The following SIRT5 variants were observed in gnomAD, a reference collection of about 807,000 sequenced individuals.
SIRT5 encodes sirtuin 5.
SIRT5 carries 26 observed loss-of-function variants against 40.0 expected under a neutral mutation model. The ratio of observed to expected loss-of-function variants is 0.65; its 90% CI spans 0.48 to 0.90. The LOEUF (loss-of-function observed/expected upper bound fraction) is 0.90. Among genes scored for constraint, SIRT5 ranks in the 40% least tolerant of loss-of-function variants. The pLI is 0.00. For synonymous variants in SIRT5, 146 were observed against 149.1 expected (o/e 0.98, Z 0.15); for missense variants, 401 against 402.4 (o/e 1.00, Z 0.03).
In SIRT5 at chr6:13,591,825, G is replaced by A. The variant is rs138633880; in HGVS notation, c.406G>A (p.Val136Met). 3.3e-4 allele frequency: 525 copies of A among 1,614,154 alleles called. No individual in the cohort carries two copies. Among genetic ancestry groups the A allele is most frequent in the Non-Finnish European group, 4.1e-4 (488 of 1,179,990 alleles). Residue 136 changes from valine to methionine, a missense_variant, in exon 5 of 10, where the codon GTG (valine) becomes ATG (methionine). By Grantham distance (21) the Val-to-Met change is conservative. Coordinates refer to ENST00000606117, the MANE Select transcript of SIRT5 (RefSeq NM_012241.5). ...TRLGKQGRRV[V>M]VITQNIDELH... ...GCTGGGCAAGCAGGGCCGGCGAGTC[G>A]TGGTCATCACCCAGAACATCGATGA...
At chr6:13,586,398 T>A (rs1760088426) in intron 3 of SIRT5, among the ~76,000 whole-genome samples, 1 of 152,226 alleles carries the variant, frequency 6.6e-6, no homozygotes, top group Non-Finnish European at 1.5e-5. Context: ...AAGTCTTTAA[T>A]CCATCTTGAG....
intron 3 of SIRT5, among the ~76,000 whole-genome samples, chr6:13,587,086 C>A (rs181541466): frequency 3.8e-4 from 58 of 152,160 alleles, no homozygotes; most frequent in Admixed American, 3.5e-3. Context: ...CTGAGGAATT[C>A]AGCTCCACAT....
chr6:13,580,465 T>A (rs1439852481), intron 2 of SIRT5, among the ~76,000 whole-genome samples: 2 of 152,158 alleles, frequency 1.3e-5, no homozygotes, highest in Non-Finnish European at 2.9e-5. Flanking sequence ...CCGACCCCTG[T>A]CCCTGGAAAC....
In SIRT5 at chr6:13,600,967, T is replaced by C; in HGVS notation, c.857+18T>C. The C allele has an allele frequency of 6.3e-7, 1 of 1,583,534 alleles. No homozygotes were observed. Among genetic ancestry groups the C allele is most frequent in the Non-Finnish European group, 8.7e-7 (1 of 1,152,570 alleles). ...AGATTCAGGTACTGGGATACCCTGA[T>C]GGGAGAGGGAGATGTGGGAGGCAGG... is the stretch of plus-strand genomic sequence containing the variant. On this transcript the variant is annotated intron_variant, in intron 9 of 9. Coordinates refer to ENST00000606117, the MANE Select transcript of SIRT5 (RefSeq NM_012241.5).
Position 13,595,584 on chromosome 6 carries a change from G to A in SIRT5, c.563+20G>A. On this transcript the variant is annotated intron_variant, in intron 6 of 9. Coordinates refer to ENST00000606117, the MANE Select transcript of SIRT5 (RefSeq NM_012241.5). ...AAAAGGGTAATTATACCACACTACA[G>A]AATAAGTATAGGTTGTTTTCTCCTT... 1 of 1,550,804 alleles carries A rather than the reference G, an allele frequency of 6.4e-7. No individual in the cohort carries two copies. Among genetic ancestry groups the A allele is most frequent in the Non-Finnish European group, 8.9e-7 (1 of 1,122,404 alleles).
chr6:13,600,586 C>T (rs1562276769), intron 8 of SIRT5, among the ~76,000 whole-genome samples: 1 of 152,130 alleles, frequency 6.6e-6, no homozygotes, highest in Non-Finnish European at 1.5e-5. Context: ...TTGATTGAGT[C>T]ACTTCTATGT....
chr6:13,614,606 C>A lies in SIRT5; in HGVS notation c.*2741C>A, dbSNP rs1287537718. 1 of 152,246 alleles carries A rather than the reference C, an allele frequency of 6.6e-6. No individual in the cohort carries two copies. Among genetic ancestry groups the A allele is most frequent in the African/African-American group, 2.4e-5 (1 of 41,456 alleles). 9.4% of individuals were successfully genotyped at this position (152,246 alleles called of 1,614,324 possible). ...AAACTCGGGTGCATTCTCTAGGGAC[C>A]GGCGAAGCCATTCTTTCAGGAGATA... On this transcript the variant is annotated 3_prime_UTR_variant, in exon 10 of 10. Coordinates refer to ENST00000606117, the MANE Select transcript of SIRT5 (RefSeq NM_012241.5).
chr6:13,602,514 AACTT>A (rs1481877807), intron 9 of SIRT5, among the ~76,000 whole-genome samples: 1 of 152,140 alleles, frequency 6.6e-6, no homozygotes, highest in African/African-American at 2.4e-5. Flanking sequence ...AAAAAAAAAA[AACTT>A]ACTACAAAGT....
At chr6:13,585,424 G>T (rs1200562778) in intron 3 of SIRT5, among the ~76,000 whole-genome samples, 1 of 150,628 alleles carries the variant, frequency 6.6e-6, no homozygotes, top group African/African-American at 2.5e-5. Context: ...CCCAGTGTGT[G>T]ATGTTACCCG....
chr6:13,603,413 C>G (rs1762675256), intron 9 of SIRT5, among the ~76,000 whole-genome samples: 1 of 151,520 alleles, frequency 6.6e-6, no homozygotes, highest in South Asian at 2.1e-4. Flanking sequence ...AAAGACAATC[C>G]AATTAAAAAC....
chr6:13,593,568 C>T (rs1266173913), intron 5 of SIRT5, among the ~76,000 whole-genome samples: 1 of 151,984 alleles, frequency 6.6e-6, no homozygotes, highest in Non-Finnish European at 1.5e-5. Context: ...GTGTGTTAGT[C>T]AGGACTTTTT....
rs1762009573 is a variant in SIRT5, at chr6:13,599,072, G to A, written c.658G>A (p.Val220Ile). 27 of 1,613,954 alleles carry A rather than the reference G, an allele frequency of 1.7e-5. No individual in the cohort carries two copies. Among genetic ancestry groups the A allele is most frequent in the South Asian group, 3.3e-5 (3 of 91,066 alleles). Residue 220 changes from valine to isoleucine, a missense_variant, in exon 8 of 10, where the codon GTC (valine) becomes ATC (isoleucine). Coordinates refer to ENST00000606117, the MANE Select transcript of SIRT5 (RefSeq NM_012241.5). ...CTGCGGGGGCTTGCTGCGACCTCAC[G>A]TCGTGTGGTTTGGAGAAAACCTGGA... ...AGCGGLLRPHVVWFGENLDPA... is the reference protein window; with the variant it reads ...AGCGGLLRPHIVWFGENLDPA...
chr6:13,589,598 T>G (rs777370533), intron 4 of SIRT5: 2 of 152,282 alleles, frequency 1.3e-5, no homozygotes, highest in African/African-American at 2.4e-5. Flanking sequence ...TTCATGAAGC[T>G]GCCCCTTCCT....
At chr6:13,604,341 G>A (rs914625995) in intron 9 of SIRT5, 24 of 714,136 alleles carry the variant, frequency 3.4e-5, no homozygotes, top group African/African-American at 2.9e-4. Flanking sequence ...TAGTAATACC[G>A]GAGCTAGGCA....
chr6:13,577,479 TA>T (rs1379485364), intron 1 of SIRT5, among the ~76,000 whole-genome samples: 1 of 151,852 alleles, frequency 6.6e-6, no homozygotes, highest in Non-Finnish European at 1.5e-5. Context: ...CACTGATTTT[TA>T]TATGTGATTT....
chr6:13,605,003 C>T (rs201994124), intron 9 of SIRT5: 17 of 988,514 alleles, frequency 1.7e-5, no homozygotes, highest in South Asian at 4.7e-5. Context: ...ATCATCAAAG[C>T]TGACATTTAG....
At chr6:13,581,405 T>C (rs1438947710) in intron 2 of SIRT5, among the ~76,000 whole-genome samples, 1 of 152,226 alleles carries the variant, frequency 6.6e-6, no homozygotes, top group Non-Finnish European at 1.5e-5. Flanking sequence ...TAAATTGCAG[T>C]CATGAATGCC....
intron 1 of SIRT5, among the ~76,000 whole-genome samples, chr6:13,577,529 GT>G (rs970543263): frequency 1.3e-5 from 2 of 150,800 alleles, no homozygotes; most frequent in African/African-American, 4.9e-5. Flanking sequence ...AGTTCTAACA[GT>G]TTTTTTTGGT....
intron 2 of SIRT5, among the ~76,000 whole-genome samples, chr6:13,583,643 C>T (rs955558230): frequency 1.3e-5 from 2 of 152,200 alleles, no homozygotes; most frequent in African/African-American, 2.4e-5. Flanking sequence ...TCATATTTAA[C>T]CCTTTCTTGT....
Sources: gnomAD v4.1 joint callset for allele counts (sites outside exome capture counted in the v4.1 genomes callset) on GRCh38, gnomAD v4.1.1 for gene constraint, MANE v1.5 for transcripts, NCBI Gene and HGNC (gene_info 2026-07-23, HGNC 2026-07-21) for gene names.